Variants in FAM13C observed in about 807,000 individuals in gnomAD.
FAM13C encodes family with sequence similarity 13 member C, also known as protein FAM13C.
A neutral mutation model predicts 73.2 loss-of-function variants in FAM13C; 37 were observed. The ratio of observed to expected loss-of-function variants is 0.51; its 90% CI spans 0.39 to 0.67. FAM13C has a LOEUF of 0.67. Ranked by LOEUF, FAM13C falls within the 30% of genes least tolerant of loss-of-function variation. The probability of loss-of-function intolerance (pLI) is 0.00; values close to 1 mark genes in which losing one functional copy is unlikely to be tolerated. For missense variants in FAM13C, 589 were observed against 715.6 expected, an observed-to-expected ratio of 0.82 and a Z score of 2.02; for synonymous variants, 246 against 260.9, an observed-to-expected ratio of 0.94 and a Z score of 0.55.
At chr10:59,344,445 A>ATTT (rs34409864) in intron 3 of FAM13C, among the ~76,000 whole-genome samples, 18 of 143,526 alleles carry the variant, frequency 1.3e-4, no homozygotes, top group African/African-American at 4.4e-4. Flanking sequence ...CGCACGGCTG[A>ATTT]TTTTTTTTTT....
intron 5 of FAM13C, among the ~76,000 whole-genome samples, chr10:59,302,544 G>T (rs1847723387): frequency 6.6e-6 from 1 of 152,310 alleles, no homozygotes; most frequent in Admixed American, 6.5e-5. Context: ...AAGCTGAAAA[G>T]AGTGTAACAA....
chr10:59,274,600 C>T (rs1033608429), intron 6 of FAM13C, among the ~76,000 whole-genome samples: 1 of 152,134 alleles, frequency 6.6e-6, no homozygotes, highest in Non-Finnish European at 1.5e-5. Context: ...ACCCTGCAAA[C>T]CCAAGAGGCA....
chr10:59,358,895 T>C (rs1448047701), intron 1 of FAM13C, among the ~76,000 whole-genome samples: 1 of 152,238 alleles, frequency 6.6e-6, no homozygotes, highest in Non-Finnish European at 1.5e-5. Context: ...ATAGAGCAAC[T>C]GAAATAGAGC....
chr10:59,328,928 A>C (rs559504685), intron 3 of FAM13C, among the ~76,000 whole-genome samples: 1 of 152,292 alleles, frequency 6.6e-6, no homozygotes, highest in South Asian at 2.1e-4. Flanking sequence ...CCTATCCTAC[A>C]TCACCCAAGA....
chr10:59,301,474 T>C (rs1379492440), intron 5 of FAM13C, among the ~76,000 whole-genome samples: 2 of 152,244 alleles, frequency 1.3e-5, no homozygotes, highest in African/African-American at 4.8e-5. Flanking sequence ...AAGCAGGTTT[T>C]CAAATATAGC....
At chr10:59,329,741 A>G (rs985756829) in intron 3 of FAM13C, among the ~76,000 whole-genome samples, 8 of 152,148 alleles carry the variant, frequency 5.3e-5, no homozygotes, top group Non-Finnish European at 7.4e-5. Context: ...CAGACATTCA[A>G]TTATGCTGTC....
intron 10 of FAM13C, among the ~76,000 whole-genome samples, chr10:59,260,028 A>G (rs1408250183): frequency 6.6e-6 from 1 of 151,714 alleles, no homozygotes; most frequent in Non-Finnish European, 1.5e-5. Flanking sequence ...GTGCTCCTCT[A>G]GTTTTCTCTG....
chr10:59,278,978 A>C (rs1844633223), intron 6 of FAM13C, among the ~76,000 whole-genome samples: 1 of 152,242 alleles, frequency 6.6e-6, no homozygotes, highest in Admixed American at 6.5e-5. Flanking sequence ...ATAGGCTGAA[A>C]TATCAAGTTT....
At chr10:59,319,374 C>T (rs529881074) in intron 4 of FAM13C, among the ~76,000 whole-genome samples, 2 of 152,158 alleles carry the variant, frequency 1.3e-5, no homozygotes, top group Non-Finnish European at 2.9e-5. Flanking sequence ...AACAGTAAGA[C>T]AATGCTATAG....
Position 59,264,090 on chromosome 10 carries a change from A to G in FAM13C, c.1019T>C (p.Leu340Pro), listed in dbSNP as rs1211051851. The stretch of plus-strand genomic sequence containing the variant: ...GATCTTTGGCTGGGATTTACCTTTG[A>G]GCTGTTTACGACCTTTAGCCAAATC... ...MNDLAKGRKQLKELKLKLSEE... is the reference protein window; with the variant it reads ...MNDLAKGRKQPKELKLKLSEE... Residue 340 changes from leucine (L) to proline (P), a missense_variant, in exon 9 of 14, where the codon CTC (leucine) becomes CCC (proline). By Grantham distance (98) the Leu-to-Pro change is moderately conservative. Coordinates refer to ENST00000618804, the MANE Select transcript of FAM13C (RefSeq NM_198215.4). 1 of 1,612,428 alleles carries G rather than the reference A, an allele frequency of 6.2e-7. No homozygotes were observed. Among genetic ancestry groups the G allele is most frequent in the South Asian group, 1.1e-5 (1 of 91,040 alleles).
intron 10 of FAM13C, among the ~76,000 whole-genome samples, chr10:59,259,261 C>T (rs190677717): frequency 1.8e-4 from 28 of 152,172 alleles, no homozygotes; most frequent in Non-Finnish European, 2.6e-4. Context: ...ATACCAAATG[C>T]GGAAATTACA....
At chr10:59,313,678 G>A (rs915852000) in intron 4 of FAM13C, among the ~76,000 whole-genome samples, 1 of 152,138 alleles carries the variant, frequency 6.6e-6, no homozygotes, top group African/African-American at 2.4e-5. Context: ...GGAAGCTAAG[G>A]TCTAGCTTAA....
intron 5 of FAM13C, among the ~76,000 whole-genome samples, chr10:59,294,692 G>A (rs1319072647): frequency 2.0e-5 from 3 of 152,204 alleles, no homozygotes; most frequent in Non-Finnish European, 4.4e-5. Flanking sequence ...ATTCAGCTGG[G>A]AATGAGAACT....
chr10:59,318,635 T>G lies in FAM13C; in HGVS notation c.443+5353A>C, dbSNP rs568533129. 3.9e-5 allele frequency among the ~76,000 whole-genome samples: 6 copies of G among 151,958 alleles called. No individual in the cohort carries two copies. The South Asian group carries it at 1.2e-3, about 32-fold the overall frequency. Reference sequence around the variant, plus strand: ...TCTCTTCATTTGAATGTTCTTTCCTTCCACCAGGTTGTTTCTGCATCCACG... The same window carrying G: ...TCTCTTCATTTGAATGTTCTTTCCTGCCACCAGGTTGTTTCTGCATCCACG... On this transcript the variant is annotated intron_variant, in intron 4 of 13. Coordinates refer to ENST00000618804, the MANE Select transcript of FAM13C (RefSeq NM_198215.4).
At chr10:59,314,662 C>T (rs1402392497) in intron 4 of FAM13C, among the ~76,000 whole-genome samples, 1 of 152,042 alleles carries the variant, frequency 6.6e-6, no homozygotes, top group Non-Finnish European at 1.5e-5. Flanking sequence ...CTGCATCTAC[C>T]CCTTCTCAAT....
intron 4 of FAM13C, among the ~76,000 whole-genome samples, chr10:59,306,247 AAT>A (rs1848234213): frequency 6.6e-6 from 1 of 152,198 alleles, no homozygotes; most frequent in Non-Finnish European, 1.5e-5. Flanking sequence ...CTTTGTTAAA[AAT>A]ATATGGTATA....
Position 59,254,373 on chromosome 10 carries a change from G to A in FAM13C, c.1307C>T (p.Ser436Leu). The A allele has an allele frequency of 1.3e-6, 2 of 1,555,272 alleles. No homozygotes were observed. The highest frequency in any genetic ancestry group is 8.7e-7 in the Non-Finnish European group (1 of 1,148,518). The change falls in exon 11 of 14, where the codon TCA (serine) becomes TTA (leucine). Residue 436 changes from serine to leucine, a missense_variant. Ser to Leu is a moderately radical substitution (Grantham distance 145, BLOSUM62 -2). Transcript: ENST00000618804. Reference protein sequence around the residue: ...DRYRIIKQILSTPSLIPTIQE... With the variant: ...DRYRIIKQILLTPSLIPTIQE... ...AATTGTTGGAATAAGGGAAGGTGTTGACAAGATTTGCTTGATAATTCTGTA... is the reference window on the plus strand; with the variant it reads ...AATTGTTGGAATAAGGGAAGGTGTTAACAAGATTTGCTTGATAATTCTGTA...
chr10:59,313,571 G>A (rs1227090637), intron 4 of FAM13C, among the ~76,000 whole-genome samples: 5 of 152,208 alleles, frequency 3.3e-5, no homozygotes, highest in African/African-American at 4.8e-5. Context: ...TTGAGCAAGC[G>A]AGTCCAAATC....
intron 4 of FAM13C, among the ~76,000 whole-genome samples, chr10:59,322,939 G>C (rs1850519603): frequency 6.6e-6 from 1 of 152,198 alleles, no homozygotes; most frequent in Non-Finnish European, 1.5e-5. Context: ...CTTGTGAAGA[G>C]GGTTATAAAA....
Sources: allele counts gnomAD v4.1 joint callset (sites outside exome capture counted in the v4.1 genomes callset), GRCh38; gene constraint gnomAD v4.1.1; transcripts MANE v1.5; gene names NCBI Gene and HGNC (gene_info 2026-07-23, HGNC 2026-07-21).